The following EIF1B variants were observed in gnomAD, a reference collection of about 807,000 sequenced individuals.
EIF1B encodes the protein protein translation factor SUI1 homolog GC20.
Under a neutral mutation model 14.8 loss-of-function variants are expected in EIF1B, and 5 were observed. That is an observed-to-expected ratio of 0.34 (90% CI 0.18 to 0.71). EIF1B has a LOEUF of 0.71. EIF1B is among the 30% of genes least tolerant of loss of function. The pLI, the probability that EIF1B is intolerant of heterozygous loss-of-function variation, is 0.64. For synonymous variants in EIF1B, 45 were observed against 45.8 expected, an observed-to-expected ratio of 0.98 and a Z score of 0.07; for missense variants, 56 against 134.0, an observed-to-expected ratio of 0.42 and a Z score of 2.87.
chr3:40,311,114 A>T (rs765804227), intron 2 of EIF1B, 58 bp downstream of exon 2: 1 of 1,514,006 alleles, frequency 6.6e-7, no homozygotes, highest in African/African-American at 1.4e-5. Context: ...GAACTGGATT[A>T]TGATTCACAC....
chr3:40,311,867 G>A, intron 3 of EIF1B, 103 bp from the exon 4 acceptor site: 2 of 904,746 alleles, frequency 2.2e-6, no homozygotes. Flanking sequence ...CAGTGTTGCA[G>A]TAAGCTGTTG....
Position 40,311,454 on chromosome 3 carries a change from T to C in EIF1B, c.196-16T>C, listed in dbSNP as rs1954325133. On this transcript the variant is annotated splice_polypyrimidine_tract_variant and intron_variant, in intron 2 of 3. Transcript: ENST00000232905. Reference sequence around the variant, plus strand: ...TAGTTGACTAAATTTTGTTGTATATTTATGCACTTTTCCAGAAATTTGCCT... The same window carrying C: ...TAGTTGACTAAATTTTGTTGTATATCTATGCACTTTTCCAGAAATTTGCCT... 1 of 1,594,322 alleles carries C rather than the reference T, an allele frequency of 6.3e-7. No individual in the cohort carries two copies. Among genetic ancestry groups the C allele is most frequent in the African/African-American group, 1.3e-5 (1 of 74,494 alleles).
At position 40,309,718 on chromosome 3, in the gene EIF1B, G is replaced by A. The variant is rs2125569120; in HGVS notation, c.-224G>A. 3.5e-6 allele frequency: 2 copies of A among 577,358 alleles called. No individual in the cohort carries two copies. Among genetic ancestry groups the A allele is most frequent in the Non-Finnish European group, 6.1e-6 (2 of 326,592 alleles). 35.8% of individuals were successfully genotyped at this position (577,358 alleles called of 1,614,324 possible). ...CGGCCATTTTGTGCGAGAAGCCGCAGCGCCGCCTCTTCTCTCGCGCCCTCG... is the reference window on the plus strand; with the variant it reads ...CGGCCATTTTGTGCGAGAAGCCGCAACGCCGCCTCTTCTCTCGCGCCCTCG... On this transcript the variant is annotated 5_prime_UTR_variant, in exon 1 of 4. Coordinates refer to ENST00000232905, the MANE Select transcript of EIF1B (RefSeq NM_005875.3).
At chr3:40,310,564 TGAC>T (rs1954312427) in intron 1 of EIF1B, 1 of 214,384 alleles carries the variant, frequency 4.7e-6, no homozygotes, top group Non-Finnish European at 9.1e-6. Context: ...GTAATCGAGA[TGAC>T]GCACATTTTT....
At chr3:40,310,743 C>A in intron 1 of EIF1B, 150 bp from the exon 2 acceptor site, 1 of 699,484 alleles carries the variant, frequency 1.4e-6, no homozygotes, top group Non-Finnish European at 2.3e-6. Flanking sequence ...TACTCCACCC[C>A]CATCTCCATT....
rs747958852 is a variant in EIF1B, at chr3:40,311,993, G to A, written c.321G>A (p.Gln107=). The change falls in exon 4 of 4, where the codon CAG becomes CAA. Residue 107 remains glutamine, a synonymous_variant. Transcript: ENST00000232905. ...LLEVGIVKEE[Q]LKVHGF is the part of the protein sequence containing the mutation. ...AGGTTGGCATTGTAAAGGAGGAACA[G>A]CTTAAGGTTCATGGATTCTAAAATG... The A allele has an allele frequency of 9.3e-6, 15 of 1,609,734 alleles. No homozygotes were observed. Among genetic ancestry groups the A allele is most frequent in the African/African-American group, 1.3e-5 (1 of 74,846 alleles).
chr3:40,309,805 T>C lies in EIF1B; in HGVS notation c.-137T>C, dbSNP rs972329963. ...TCCTCCCGGCTTCCGCCGCCGCCAC[T>C]CCAGCCTAATCCCAACCCCAGGGCG... On this transcript the variant is annotated 5_prime_UTR_variant, in exon 1 of 4. Coordinates refer to ENST00000232905, the MANE Select transcript of EIF1B (RefSeq NM_005875.3). The C allele has an allele frequency of 2.8e-6, 3 of 1,056,982 alleles. No homozygotes were observed. The highest frequency in any genetic ancestry group is 4.2e-6 in the Non-Finnish European group (3 of 710,650). 65.5% of individuals were successfully genotyped at this position (1,056,982 alleles called of 1,614,324 possible).
chr3:40,310,457 C>T (rs1164581208), intron 1 of EIF1B, among the ~76,000 whole-genome samples: 1 of 149,542 alleles, frequency 6.7e-6, no homozygotes, highest in African/African-American at 2.5e-5. Flanking sequence ...AATTACGCCT[C>T]TTGATATATA....
rs184841477 is a variant in EIF1B at position 40,309,720 on chromosome 3, G to A, written c.-222G>A. On this transcript the variant is annotated 5_prime_UTR_variant, in exon 1 of 4. Transcript: ENST00000232905. ...GCCATTTTGTGCGAGAAGCCGCAGCGCCGCCTCTTCTCTCGCGCCCTCGCC... is the reference window on the plus strand; with the variant it reads ...GCCATTTTGTGCGAGAAGCCGCAGCACCGCCTCTTCTCTCGCGCCCTCGCC... 16 of 563,676 alleles carry A rather than the reference G, an allele frequency of 2.8e-5. No individual in the cohort carries two copies. In the Admixed American group the frequency reaches 3.2e-4, roughly 11 times the overall value. 34.9% of individuals were successfully genotyped at this position (563,676 alleles called of 1,614,324 possible).
intron 1 of EIF1B, 29 bp from the exon 2 acceptor site, chr3:40,310,864 A>ATTTT: frequency 2.1e-6 from 3 of 1,411,700 alleles, no homozygotes; most frequent in Non-Finnish European, 2.8e-6. Context: ...TCTACTTTGG[A>ATTTT]TTTTTTTTTT....
At chr3:40,311,090 T>A in intron 2 of EIF1B, 34 bp downstream of exon 2, 1 of 1,600,764 alleles carries the variant, frequency 6.2e-7, no homozygotes, top group Non-Finnish European at 8.5e-7. Context: ...TTAGAGTTAC[T>A]GATGCACACC....
At chr3:40,311,943 T>C in intron 3 of EIF1B, 27 bp from the exon 4 acceptor site, 6 of 1,523,398 alleles carry the variant, frequency 3.9e-6, no homozygotes, top group Non-Finnish European at 5.5e-6. Flanking sequence ...TCAGAGTTAT[T>C]TTGCTAAATT....
In EIF1B at chr3:40,311,582, G is replaced by T. The variant is rs761789651; in HGVS notation, c.297+11G>T. The T allele has an allele frequency of 6.2e-7, 1 of 1,602,530 alleles. No homozygotes were observed. Among genetic ancestry groups the T allele is most frequent in the East Asian group, 2.2e-5 (1 of 44,760 alleles). On this transcript the variant is annotated intron_variant, in intron 3 of 3. Transcript: ENST00000232905. ...CAGTTTCTCTTGGAGGTGAGTGATTGGGTGCTTTATGTGTAACCTTGAGAT... is the reference window on the plus strand; with the variant it reads ...CAGTTTCTCTTGGAGGTGAGTGATTTGGTGCTTTATGTGTAACCTTGAGAT...
chr3:40,312,063 A>G lies in EIF1B; in HGVS notation c.*49A>G. 2 of 1,414,874 alleles carry G rather than the reference A, an allele frequency of 1.4e-6. No individual in the cohort carries two copies. The highest frequency in any genetic ancestry group is 2.0e-6 in the Non-Finnish European group (2 of 1,005,128). 87.6% of individuals were successfully genotyped at this position (1,414,874 alleles called of 1,614,324 possible). On this transcript the variant is annotated 3_prime_UTR_variant, in exon 4 of 4. Coordinates refer to ENST00000232905, the MANE Select transcript of EIF1B (RefSeq NM_005875.3). Reference sequence around the variant, plus strand: ...TTTCTTGAATAGTTTTGTTCTCTAAACCCGGTTTGGCTGCCTTGTGAAATG... The same window carrying G: ...TTTCTTGAATAGTTTTGTTCTCTAAGCCCGGTTTGGCTGCCTTGTGAAATG...
At position 40,312,269 on chromosome 3, in the gene EIF1B, T is replaced by C. The variant is rs1020830596; in HGVS notation, c.*255T>C. 4.7e-6 allele frequency: 2 copies of C among 421,718 alleles called. No individual in the cohort carries two copies. The highest frequency in any genetic ancestry group is 4.3e-5 in the African/African-American group (2 of 46,504). 26.1% of individuals were successfully genotyped at this position (421,718 alleles called of 1,614,324 possible). On this transcript the variant is annotated 3_prime_UTR_variant, in exon 4 of 4. Coordinates refer to ENST00000232905, the MANE Select transcript of EIF1B (RefSeq NM_005875.3). Reference sequence around the variant, plus strand: ...CAATGGAAAATGTTTTGAGTGTTTATTGTTCAGTTTATTACGTTTCACTTG... The same window carrying C: ...CAATGGAAAATGTTTTGAGTGTTTACTGTTCAGTTTATTACGTTTCACTTG...
At chr3:40,310,803 T>G in intron 1 of EIF1B, 90 bp from the exon 2 acceptor site, 1 of 1,359,474 alleles carries the variant, frequency 7.4e-7, no homozygotes, top group South Asian at 1.6e-5. Flanking sequence ...GATGACTGTC[T>G]GGATTGGTAG....
At chr3:40,310,030 C>A in intron 1 of EIF1B, 58 bp downstream of exon 1, 3 of 1,605,980 alleles carry the variant, frequency 1.9e-6, no homozygotes, top group Non-Finnish European at 2.6e-6. Context: ...CGGCCTTTTG[C>A]CCGCCTGGCC....
chr3:40,311,612 T>G (rs1954326933), intron 3 of EIF1B, 41 bp downstream of exon 3: 2 of 1,475,440 alleles, frequency 1.4e-6, no homozygotes, highest in Non-Finnish European at 9.4e-7. Context: ...TGAGATTGCT[T>G]TTAAAATTGT....
Position 40,310,926 on chromosome 3 carries a change from T to TAA in EIF1B, c.66_67insAA (p.Leu23AsnfsTer12). On this transcript the variant is annotated frameshift_variant, in exon 2 of 4. Transcript: ENST00000232905. LOFTEE classifies it high-confidence loss of function. ...GCTGATGCAACTAAGGGTGACGACT[T>TAA]ACTCCCGGCAGGGACTGAGGATTAC... 6.2e-7 allele frequency: 1 copy of TAA among 1,612,820 alleles called. No homozygotes were observed. Among genetic ancestry groups the TAA allele is most frequent in the Non-Finnish European group, 8.5e-7 (1 of 1,179,336 alleles).
Sources: allele counts gnomAD v4.1 joint callset (sites outside exome capture counted in the v4.1 genomes callset), GRCh38; gene constraint gnomAD v4.1.1; transcripts MANE v1.5; gene names NCBI Gene and HGNC (gene_info 2026-07-23, HGNC 2026-07-21).